Variants in CAMSAP2 observed in about 807,000 individuals in gnomAD.
CAMSAP2 encodes the protein calmodulin regulated spectrin associated protein family member 2, also known as calmodulin-regulated spectrin-associated protein 2.
Under a neutral mutation model 146.1 loss-of-function variants are expected in CAMSAP2, and 26 were observed. The ratio of observed to expected loss-of-function variants is 0.18; its 90% CI spans 0.13 to 0.25. CAMSAP2 has a LOEUF of 0.25. Ranked by LOEUF, CAMSAP2 falls within the 10% of genes least tolerant of loss-of-function variation. The probability of loss-of-function intolerance (pLI) is 1.00; values close to 1 mark genes in which losing one functional copy is unlikely to be tolerated. For missense variants in CAMSAP2, 1,381 were observed against 1,759.3 expected (o/e 0.78, Z 3.85); for synonymous variants, 499 against 596.6 (o/e 0.84, Z 2.38).
intron 2 of CAMSAP2, among the ~76,000 whole-genome samples, chr1:200,766,766 G>C (rs1664965111): frequency 6.6e-6 from 1 of 152,096 alleles, no homozygotes; most frequent in African/African-American, 2.4e-5. Flanking sequence ...TAGGTAGATG[G>C]GAAGTAGTAA....
intron 2 of CAMSAP2, among the ~76,000 whole-genome samples, chr1:200,803,699 G>A (rs1666096007): frequency 6.6e-6 from 1 of 152,052 alleles, no homozygotes; most frequent in Admixed American, 6.6e-5. Flanking sequence ...CACAGTAGTG[G>A]AATTTTTAGA....
intron 1 of CAMSAP2, among the ~76,000 whole-genome samples, chr1:200,759,093 A>C (rs559602012): frequency 6.6e-6 from 1 of 152,220 alleles, no homozygotes; most frequent in African/African-American, 2.4e-5. Flanking sequence ...TCAAGTCCTC[A>C]TCACGAACCT....
At chr1:200,777,220 TG>T (rs1665305636) in intron 2 of CAMSAP2, among the ~76,000 whole-genome samples, 1 of 152,190 alleles carries the variant, frequency 6.6e-6, no homozygotes, top group Non-Finnish European at 1.5e-5. Flanking sequence ...GTCTGTGTTT[TG>T]GAGTCATTTA....
intron 3 of CAMSAP2, among the ~76,000 whole-genome samples, chr1:200,811,225 C>T (rs1157162617): frequency 6.6e-6 from 1 of 152,148 alleles, no homozygotes; most frequent in Non-Finnish European, 1.5e-5. Flanking sequence ...ACAACAAACT[C>T]TGTCTCCCCT....
intron 2 of CAMSAP2, among the ~76,000 whole-genome samples, chr1:200,777,502 G>T (rs754151195): frequency 1.3e-5 from 2 of 152,054 alleles, no homozygotes; most frequent in African/African-American, 4.8e-5. Context: ...GAGATAAATC[G>T]TATTGAACAA....
At chr1:200,841,868 G>T in intron 6 of CAMSAP2, 126 bp from the exon 7 acceptor site, 1 of 662,660 alleles carries the variant, frequency 1.5e-6, no homozygotes, top group Non-Finnish European at 2.6e-6. Flanking sequence ...ATGTTTAATA[G>T]CCTACTATAG....
chr1:200,792,590 A>C (rs1049447768), intron 2 of CAMSAP2, among the ~76,000 whole-genome samples: 2 of 152,232 alleles, frequency 1.3e-5, no homozygotes, highest in African/African-American at 4.8e-5. Context: ...GGTTGCAGTG[A>C]GCCGAGATGG....
intron 3 of CAMSAP2, among the ~76,000 whole-genome samples, chr1:200,808,910 T>A (rs1666250988): frequency 6.6e-6 from 1 of 152,252 alleles, no homozygotes; most frequent in Non-Finnish European, 1.5e-5. Flanking sequence ...TGTTACTCAT[T>A]TGGTAACAGC....
chr1:200,794,950 A>G (rs1665846008), intron 2 of CAMSAP2, among the ~76,000 whole-genome samples: 1 of 152,220 alleles, frequency 6.6e-6, no homozygotes, highest in African/African-American at 2.4e-5. Context: ...TTTTTACAGC[A>G]TGAAATGCCT....
At chr1:200,855,900 A>C (rs757903829) in intron 14 of CAMSAP2, 110 bp from the exon 15 acceptor site, 7 of 718,318 alleles carry the variant, frequency 9.7e-6, no homozygotes, top group South Asian at 1.9e-5. Flanking sequence ...CGGCCTTATC[A>C]TATTATTTTT....
intron 2 of CAMSAP2, among the ~76,000 whole-genome samples, chr1:200,802,704 C>A (rs922362789): frequency 6.6e-6 from 1 of 152,054 alleles, no homozygotes; most frequent in African/African-American, 2.4e-5. Context: ...ATGTCTAAAT[C>A]TGATACAAGA....
intron 4 of CAMSAP2, among the ~76,000 whole-genome samples, chr1:200,829,862 G>A (rs987606902): frequency 6.6e-6 from 1 of 152,074 alleles, no homozygotes; most frequent in Non-Finnish European, 1.5e-5. Flanking sequence ...AGGAGGTCGA[G>A]GCTGCAGTGA....
chr1:200,742,195 C>A (rs933615537), intron 1 of CAMSAP2, among the ~76,000 whole-genome samples: 2 of 152,196 alleles, frequency 1.3e-5, no homozygotes, highest in East Asian at 3.8e-4. Flanking sequence ...GCTTATTACT[C>A]TATACCGTTC....
intron 1 of CAMSAP2, among the ~76,000 whole-genome samples, chr1:200,758,277 T>C (rs1039575250): frequency 6.6e-6 from 1 of 152,232 alleles, no homozygotes; most frequent in African/African-American, 2.4e-5. Flanking sequence ...AAATAACTTA[T>C]ATTAGCCATT....
At chr1:200,803,399 T>C (rs969662612) in intron 2 of CAMSAP2, among the ~76,000 whole-genome samples, 1 of 152,224 alleles carries the variant, frequency 6.6e-6, no homozygotes, top group African/African-American at 2.4e-5. Context: ...AAACAGTATG[T>C]GACACTTAAC....
intron 11 of CAMSAP2, 94 bp downstream of exon 11, chr1:200,850,328 T>A: frequency 2.9e-6 from 3 of 1,032,408 alleles, no homozygotes; most frequent in Non-Finnish European, 2.8e-6. Flanking sequence ...CTTGCTTCTT[T>A]CAGTAGCAGT....
Position 200,832,862 on chromosome 1 carries a change from T to C in CAMSAP2, c.927+17T>C. The C allele has an allele frequency of 1.9e-6, 3 of 1,543,782 alleles. No individual in the cohort carries two copies. Among genetic ancestry groups the C allele is most frequent in the Non-Finnish European group, 2.6e-6 (3 of 1,147,276 alleles). Reference sequence around the variant, plus strand: ...TCCATAAAGGTAAATTAAATTATTCTTTTTTTCCCTTTGCTTTGTTAAAAT... The same window carrying C: ...TCCATAAAGGTAAATTAAATTATTCCTTTTTTCCCTTTGCTTTGTTAAAAT... On this transcript the variant is annotated intron_variant, in intron 6 of 16. Transcript: ENST00000358823. The surrounding 1 kb of genome is among the most constrained non-coding windows in gnomAD (Gnocchi z 4.2).
At chr1:200,793,837 C>T (rs1460226514) in intron 2 of CAMSAP2, among the ~76,000 whole-genome samples, 1 of 152,068 alleles carries the variant, frequency 6.6e-6, no homozygotes, top group Non-Finnish European at 1.5e-5. Context: ...TTTCTTATAA[C>T]CACCTGATGA....
chr1:200,812,531 A>G (rs1202803744), intron 3 of CAMSAP2, among the ~76,000 whole-genome samples: 1 of 152,120 alleles, frequency 6.6e-6, no homozygotes, highest in African/African-American at 2.4e-5. Context: ...TTCTCGCATT[A>G]TGACTTTACC....
Sources: gnomAD v4.1 joint callset for allele counts (sites outside exome capture counted in the v4.1 genomes callset) on GRCh38, gnomAD v4.1.1 for gene constraint, Gnocchi (gnomAD v3.1) non-coding constraint, MANE v1.5 for transcripts, NCBI Gene and HGNC (gene_info 2026-07-23, HGNC 2026-07-21) for gene names.